The following TMEM132D variants were observed in gnomAD, a reference collection of about 807,000 sequenced individuals.
The protein encoded by TMEM132D is transmembrane protein 132D, also known as mature OL transmembrane protein.
In TMEM132D, 21 loss-of-function variants were observed where a neutral mutation model predicts 62.3. The observed-to-expected ratio is 0.34, with a 90% confidence interval of 0.24 to 0.49. The LOEUF is 0.49. TMEM132D is among the 20% of genes least tolerant of loss of function. The pLI is 0.99. For missense variants in TMEM132D, 1,346 were observed against 1,402.8 expected, an observed-to-expected ratio of 0.96 and a Z score of 0.65; for synonymous variants, 621 against 575.6, an observed-to-expected ratio of 1.08 and a Z score of -1.13.
intron 4 of TMEM132D, among the ~76,000 whole-genome samples, chr12:129,280,112 G>C (rs566872434): frequency 1.3e-5 from 2 of 152,246 alleles, no homozygotes; most frequent in African/African-American, 4.8e-5. Context: ...TTCATAAAGG[G>C]AAACTATAGT....
intron 4 of TMEM132D, among the ~76,000 whole-genome samples, chr12:129,288,571 T>C (rs1008757025): frequency 6.6e-5 from 10 of 152,156 alleles, no homozygotes; most frequent in African/African-American, 2.4e-4. Flanking sequence ...TCATGCCTGT[T>C]AGGATGGTTA....
At chr12:129,884,020 C>G (rs1195112314) in intron 1 of TMEM132D, among the ~76,000 whole-genome samples, 1 of 152,168 alleles carries the variant, frequency 6.6e-6, no homozygotes, top group Non-Finnish European at 1.5e-5. Context: ...CAATCTCAAC[C>G]TCCTGAGCTA....
intron 3 of TMEM132D, among the ~76,000 whole-genome samples, chr12:129,374,433 A>T (rs1393003052): frequency 6.6e-6 from 1 of 152,148 alleles, no homozygotes; most frequent in African/African-American, 2.4e-5. Context: ...CAACAGATGA[A>T]TTTGGGGATG....
At chr12:129,387,227 ATAACACTAACACTAATGC>A (rs1320063714) in intron 3 of TMEM132D, among the ~76,000 whole-genome samples, 1 of 120,452 alleles carries the variant, frequency 8.3e-6, no homozygotes, top group Non-Finnish European at 1.7e-5. Context: ...TAACACTAAT[ATAACACTAACACTAATGC>A]TAACACTAAT....
intron 4 of TMEM132D, among the ~76,000 whole-genome samples, chr12:129,273,341 T>C (rs1360354687): frequency 1.3e-5 from 2 of 151,078 alleles, no homozygotes; most frequent in African/African-American, 4.9e-5. Flanking sequence ...TTTGAAGATT[T>C]CTCAAAGAAC....
At chr12:129,076,065 C>T (rs1017309534) in intron 8 of TMEM132D, among the ~76,000 whole-genome samples, 1 of 151,328 alleles carries the variant, frequency 6.6e-6, no homozygotes, top group African/African-American at 2.5e-5. Flanking sequence ...CCATCAATCT[C>T]AGCAATGCTG....
At chr12:129,745,423 T>C (rs1350232708) in intron 1 of TMEM132D, among the ~76,000 whole-genome samples, 1 of 152,194 alleles carries the variant, frequency 6.6e-6, no homozygotes, top group East Asian at 1.9e-4. Context: ...GGTTGATGCC[T>C]ACCAGGTCAT....
intron 2 of TMEM132D, among the ~76,000 whole-genome samples, chr12:129,602,733 T>A (rs1878513759): frequency 6.6e-6 from 1 of 152,024 alleles, no homozygotes; most frequent in East Asian, 1.9e-4. Context: ...CTTATCACCA[T>A]CCCCCACCAG....
At chr12:129,579,670 A>G (rs554645348) in intron 2 of TMEM132D, among the ~76,000 whole-genome samples, 3 of 152,312 alleles carry the variant, frequency 2.0e-5, no homozygotes, top group Admixed American at 1.3e-4. Flanking sequence ...TGCTCCTTCT[A>G]TCTTCTTCTG....
rs972020839 is a variant in TMEM132D, at chr12:129,692,860, G to C, written c.968+6950C>G. On this transcript the variant is annotated intron_variant, in intron 2 of 8. Transcript: ENST00000422113. ...TGGGGCCTGTCGGGGGAGGGCAGTGGGGGGAGAGCATTAAGAAAAAGAACT... is the reference window on the plus strand; with the variant it reads ...TGGGGCCTGTCGGGGGAGGGCAGTGCGGGGAGAGCATTAAGAAAAAGAACT... Among the ~76,000 whole-genome samples, 10 of 152,074 alleles carry C rather than the reference G, an allele frequency of 6.6e-5. No individual in the cohort carries two copies. The East Asian group carries it at 1.4e-3, about 21-fold the overall frequency.
At chr12:129,440,786 A>G (rs894886722) in intron 3 of TMEM132D, among the ~76,000 whole-genome samples, 3 of 152,234 alleles carry the variant, frequency 2.0e-5, no homozygotes, top group Non-Finnish European at 4.4e-5. Flanking sequence ...AGAGTTCTAC[A>G]CACAGGCTTG....
intron 1 of TMEM132D, among the ~76,000 whole-genome samples, chr12:129,848,175 C>T (rs1406173108): frequency 6.6e-6 from 1 of 152,196 alleles, no homozygotes; most frequent in East Asian, 1.9e-4. Flanking sequence ...AGGGTGCGTC[C>T]TTTGTACCTG....
At chr12:129,722,038 TG>T (rs1868852130) in intron 1 of TMEM132D, among the ~76,000 whole-genome samples, 1 of 152,262 alleles carries the variant, frequency 6.6e-6, no homozygotes, top group African/African-American at 2.4e-5. Flanking sequence ...CCTGCCTCAC[TG>T]CTGTGGCCAG....
intron 1 of TMEM132D, among the ~76,000 whole-genome samples, chr12:129,881,125 T>C (rs1366573248): frequency 6.6e-6 from 1 of 152,006 alleles, no homozygotes; most frequent in East Asian, 1.9e-4. Context: ...ATATTACATA[T>C]TTATAAAGGA....
chr12:129,409,177 C>T (rs1193119817), intron 3 of TMEM132D, among the ~76,000 whole-genome samples: 7 of 152,158 alleles, frequency 4.6e-5, no homozygotes, highest in African/African-American at 1.2e-4. Flanking sequence ...AGGTGATCCA[C>T]CTGCCTCAGC....
chr12:129,899,073 A>T (rs1875244767), intron 1 of TMEM132D, among the ~76,000 whole-genome samples: 1 of 152,212 alleles, frequency 6.6e-6, no homozygotes, highest in African/African-American at 2.4e-5. Context: ...CTCTGTGTTC[A>T]CTGAAGGCAT....
chr12:129,654,447 C>G (rs144468357), intron 2 of TMEM132D, among the ~76,000 whole-genome samples: 132 of 152,192 alleles, frequency 8.7e-4, no homozygotes, highest in South Asian at 2.5e-3. Context: ...CTCTTATGTA[C>G]TATAAATAGA....
At chr12:129,329,158 T>C (rs1418448839) in intron 4 of TMEM132D, among the ~76,000 whole-genome samples, 1 of 151,998 alleles carries the variant, frequency 6.6e-6, no homozygotes, top group East Asian at 1.9e-4. Flanking sequence ...ATCTCCTCCA[T>C]ATATGTGTAG....
chr12:129,408,022 T>G (rs1370234171), intron 3 of TMEM132D, among the ~76,000 whole-genome samples: 1 of 152,182 alleles, frequency 6.6e-6, no homozygotes, highest in Non-Finnish European at 1.5e-5. Context: ...GGGGCTTCAC[T>G]ATACTCTCAC....
Sources: gnomAD v4.1 joint callset for allele counts (sites outside exome capture counted in the v4.1 genomes callset) on GRCh38, gnomAD v4.1.1 for gene constraint, MANE v1.5 for transcripts, NCBI Gene and HGNC (gene_info 2026-07-23, HGNC 2026-07-21) for gene names.